The following CDH13 variants were observed in gnomAD, a reference collection of about 807,000 sequenced individuals.
CDH13 encodes cadherin-13.
In CDH13, 24 loss-of-function variants were observed where a neutral mutation model predicts 63.8. That is an observed-to-expected ratio of 0.38 (90% CI 0.27 to 0.53). The LOEUF (loss-of-function observed/expected upper bound fraction) is 0.53. CDH13 is among the 20% of genes least tolerant of loss of function. The pLI, the probability that CDH13 is intolerant of heterozygous loss-of-function variation, is 0.85. For synonymous variants in CDH13, 503 were observed against 355.3 expected, an observed-to-expected ratio of 1.42 and a Z score of -4.67; for missense variants, 1,049 against 903.1, an observed-to-expected ratio of 1.16 and a Z score of -2.07.
chr16:83,470,626 G>C (rs2073429433), intron 6 of CDH13, among the ~76,000 whole-genome samples: 1 of 152,102 alleles, frequency 6.6e-6, no homozygotes. Flanking sequence ...TGGCAGGAGG[G>C]AGAATCTGAT....
At chr16:82,889,820 A>C (rs1226726306) in intron 2 of CDH13, among the ~76,000 whole-genome samples, 1 of 152,240 alleles carries the variant, frequency 6.6e-6, no homozygotes, top group Non-Finnish European at 1.5e-5. Context: ...AACAACTAAA[A>C]TACGTAAGTC....
chr16:83,066,555 A>T lies in CDH13; in HGVS notation c.366+34337A>T, dbSNP rs1348770017. On this transcript the variant is annotated intron_variant, in intron 3 of 13. Transcript: ENST00000567109. ...TATAAAGCCTGAATACCAATTTCTT[A>T]ATTTGCAAAGAGAAATGATGTGACA... 2.6e-5 allele frequency among the ~76,000 whole-genome samples: 4 copies of T among 152,368 alleles called. No individual in the cohort carries two copies. The South Asian group carries it at 6.2e-4, about 24-fold the overall frequency.
intron 8 of CDH13, among the ~76,000 whole-genome samples, chr16:83,605,153 C>T: frequency 6.6e-6 from 1 of 152,112 alleles, no homozygotes; most frequent in East Asian, 1.9e-4. Flanking sequence ...ACATTTTCTT[C>T]AAATGGAGAT....
At chr16:83,227,104 G>C (rs900850644) in intron 5 of CDH13, among the ~76,000 whole-genome samples, 1 of 152,182 alleles carries the variant, frequency 6.6e-6, no homozygotes, top group Non-Finnish European at 1.5e-5. Flanking sequence ...CATGTTTTAC[G>C]AAAGACTGCA....
At chr16:83,488,876 C>T (rs1371525965) in intron 7 of CDH13, among the ~76,000 whole-genome samples, 2 of 152,162 alleles carry the variant, frequency 1.3e-5, no homozygotes, top group East Asian at 1.9e-4. Flanking sequence ...CTGCCCACCT[C>T]GGCCTCCCAG....
intron 7 of CDH13, among the ~76,000 whole-genome samples, chr16:83,591,332 A>G (rs574335297): frequency 6.6e-6 from 1 of 152,334 alleles, no homozygotes; most frequent in East Asian, 1.9e-4. Context: ...GGCAAATAGT[A>G]CTTGAGCATC....
intron 11 of CDH13, among the ~76,000 whole-genome samples, chr16:83,766,976 A>T (rs150975993): frequency 6.6e-6 from 1 of 152,246 alleles, no homozygotes; most frequent in Non-Finnish European, 1.5e-5. Flanking sequence ...AAGTTTCCTG[A>T]GGCCTCCCCA....
At chr16:83,036,039 A>T (rs1191658292) in intron 3 of CDH13, among the ~76,000 whole-genome samples, 1 of 151,936 alleles carries the variant, frequency 6.6e-6, no homozygotes, top group East Asian at 1.9e-4. Flanking sequence ...GGGTGAGGAG[A>T]CTGAGACACA....
At chr16:82,627,239 G>A (rs1039046628) in intron 1 of CDH13, 102 bp downstream of exon 1, 2 of 1,006,546 alleles carry the variant, frequency 2.0e-6, no homozygotes, top group African/African-American at 1.6e-5. Flanking sequence ...CGGGGCCTCC[G>A]GTCGCGGCGG....
chr16:83,107,737 T>G (rs1225672073), intron 3 of CDH13, among the ~76,000 whole-genome samples: 72 of 150,484 alleles, frequency 4.8e-4, no homozygotes, highest in African/African-American at 1.2e-3. Flanking sequence ...TAGGTGGGTT[T>G]TTTTTTTTTT....
rs377218579 is a variant in CDH13 at position 82,944,502 on chromosome 16, T to C, written c.157+86029T>C. Among the ~76,000 whole-genome samples the C allele has an allele frequency of 4.6e-5, 7 of 152,128 alleles. No individual in the cohort carries two copies. In the East Asian group the frequency reaches 9.6e-4, roughly 21 times the overall value. ...GTCATGGATTGCTTCCCAGGGAACA[T>C]TTGGCAATGTCTGGAGATAATTTTT... On this transcript the variant is annotated intron_variant, in intron 2 of 13. Transcript: ENST00000567109.
intron 6 of CDH13, among the ~76,000 whole-genome samples, chr16:83,426,437 A>T (rs1330460145): frequency 2.0e-5 from 3 of 151,860 alleles, no homozygotes; most frequent in Non-Finnish European, 1.5e-5. Context: ...CCCACCATAA[A>T]TCTCCTCCTG....
rs149881782 is a variant in CDH13, at chr16:82,698,197, G to A, written c.45+71060G>A. On this transcript the variant is annotated intron_variant, in intron 1 of 13. Transcript: ENST00000567109. ...GTAAGAATGAGCTCTTGAATTCTAA[G>A]GCAGTGCTATCTCTAGTCTCTTTAG... 3.5e-3 allele frequency among the ~76,000 whole-genome samples: 536 copies of A among 152,298 alleles called. 4 individuals carry two copies. Among genetic ancestry groups the A allele is most frequent in the African/African-American group, 0.012 (495 of 41,558 alleles).
At chr16:82,864,504 G>C (rs1393444777) in intron 2 of CDH13, among the ~76,000 whole-genome samples, 1 of 152,110 alleles carries the variant, frequency 6.6e-6, no homozygotes, top group African/African-American at 2.4e-5. Flanking sequence ...GCAGGAAGGA[G>C]AAGTGCTGAG....
chr16:83,646,700 AAAAAAAAAAAAAACAC>A (rs1338394532), intron 8 of CDH13, among the ~76,000 whole-genome samples: 3 of 80,032 alleles, frequency 3.7e-5, no homozygotes, highest in East Asian at 6.0e-4. Flanking sequence ...CTCAAAAAAA[AAAAAAAAAAAAAACAC>A]ACACACACAC....
intron 3 of CDH13, among the ~76,000 whole-genome samples, chr16:83,083,146 C>G (rs922607162): frequency 1.3e-5 from 2 of 152,222 alleles, no homozygotes; most frequent in Non-Finnish European, 2.9e-5. Flanking sequence ...AATTCAGACT[C>G]TCCCATAACA....
intron 10 of CDH13, among the ~76,000 whole-genome samples, chr16:83,701,251 G>A (rs913908931): frequency 6.6e-6 from 1 of 152,208 alleles, no homozygotes; most frequent in African/African-American, 2.4e-5. Flanking sequence ...TCAGTGTCAG[G>A]ATGTTTAGGA....
chr16:82,827,713 G>A (rs759831642), intron 1 of CDH13, among the ~76,000 whole-genome samples: 1 of 152,200 alleles, frequency 6.6e-6, no homozygotes, highest in Non-Finnish European at 1.5e-5. Flanking sequence ...GCTTCATAAA[G>A]ATTCTCAGCA....
intron 5 of CDH13, among the ~76,000 whole-genome samples, chr16:83,313,736 A>T (rs1051490823): frequency 1.3e-5 from 2 of 152,092 alleles, no homozygotes; most frequent in African/African-American, 4.8e-5. Flanking sequence ...ATGAATTACA[A>T]TTGCCTTTTT....
Sources: allele counts gnomAD v4.1 joint callset (sites outside exome capture counted in the v4.1 genomes callset), GRCh38; gene constraint gnomAD v4.1.1; transcripts MANE v1.5; gene names NCBI Gene and HGNC (gene_info 2026-07-23, HGNC 2026-07-21).